PDK3: variants seen among roughly 807,000 people sequenced by gnomAD.
The protein encoded by PDK3 is pyruvate dehydrogenase kinase, isozyme 3.
A neutral mutation model predicts 32.0 loss-of-function variants in PDK3; 12 were observed. The observed-to-expected ratio is 0.37, with a 90% CI of 0.24 to 0.61. The LOEUF is 0.61. Among genes scored for constraint, PDK3 ranks in the 20% least tolerant of loss-of-function variants. PDK3 has a pLI of 0.65. For synonymous variants in PDK3, 122 were observed against 116.3 expected (o/e 1.05, Z -0.31); for missense variants, 188 against 316.9 (o/e 0.59, Z 3.09).
Position 24,505,067 on chromosome X carries a change from C to T in PDK3, c.506-142C>T, listed in dbSNP as rs147014603. On this transcript the variant is annotated intron_variant, in intron 4 of 10. Transcript: ENST00000379162. ...GTTCACCCATCAATTGTGTGTATTCCATTGCTCTAAGTTGCTGTGGATGCT... is the reference window on the plus strand; with the variant it reads ...GTTCACCCATCAATTGTGTGTATTCTATTGCTCTAAGTTGCTGTGGATGCT... 873 of 384,922 alleles carry T rather than the reference C, an allele frequency of 2.3e-3. 6 individuals carry two copies. Among genetic ancestry groups the T allele is most frequent in the African/African-American group, 0.02 (784 of 38,465 alleles). 31.7% of individuals were successfully genotyped at this position (384,922 alleles called of 1,213,427 possible).
chrX:24,468,965 C>T (rs766825904), intron 1 of PDK3, among the ~76,000 whole-genome samples: 10 of 111,865 alleles, frequency 8.9e-5, no homozygotes, highest in Admixed American at 2.8e-4. Flanking sequence ...CCTTTTTTCG[C>T]ATAAATGGCA....
intron 1 of PDK3, among the ~76,000 whole-genome samples, chrX:24,472,747 G>T (rs1430904410): frequency 1.0e-5 from 1 of 96,413 alleles, no homozygotes; most frequent in Non-Finnish European, 2.0e-5. Context: ...GAGTGCAATG[G>T]TGCGATCTGG....
chrX:24,500,920 C>T (rs915344208), intron 3 of PDK3, among the ~76,000 whole-genome samples: 5 of 111,598 alleles, frequency 4.5e-5, no homozygotes, highest in South Asian at 3.8e-4. Context: ...TATAATGAAT[C>T]GTTTCACTTT....
At chrX:24,542,916 G>A (rs1000259358) in exon 12 of PDK3, among the ~76,000 whole-genome samples, 1 of 111,957 alleles carries the variant, frequency 8.9e-6, no homozygotes, top group South Asian at 3.7e-4. Context: ...GCTGGCTATC[G>A]GATTCTTGGA....
intron 1 of PDK3, among the ~76,000 whole-genome samples, chrX:24,470,939 G>A (rs1487548552): frequency 9.1e-6 from 1 of 109,920 alleles, no homozygotes; most frequent in African/African-American, 3.3e-5. Context: ...CTGGTCTCAG[G>A]TTTATTTTGT....
At chrX:24,548,819 C>T (rs1303524390) in exon 12 of PDK3, 6 of 111,815 alleles carry the variant, frequency 5.4e-5, no homozygotes, top group Non-Finnish European at 1.1e-4. Context: ...AAGTGAAATC[C>T]GATTGGAAGT....
intron 2 of PDK3, among the ~76,000 whole-genome samples, chrX:24,495,355 CTT>C (rs1490658111): frequency 8.9e-6 from 1 of 112,457 alleles, no homozygotes; most frequent in Non-Finnish European, 1.9e-5. Flanking sequence ...ATAACATAAA[CTT>C]AAATCAGTTA....
chrX:24,479,656 G>A (rs776037175), intron 1 of PDK3, among the ~76,000 whole-genome samples: 11 of 110,585 alleles, frequency 9.9e-5, no homozygotes, highest in Admixed American at 1.9e-4. Context: ...GCGGTGGCAC[G>A]TGCCTGTAAT....
intron 1 of PDK3, among the ~76,000 whole-genome samples, chrX:24,490,414 A>G (rs190125861): frequency 2.2e-4 from 20 of 89,843 alleles, no homozygotes; most frequent in East Asian, 1.6e-3. Context: ...TGCTCTAGTC[A>G]AGATTCAAAC....
At position 24,465,296 on chromosome X, in the gene PDK3, A is replaced by AGCT. The variant is rs1249682130; in HGVS notation, c.-145_-143dup. 12 of 327,158 alleles carry AGCT rather than the reference A, an allele frequency of 3.7e-5. No homozygotes were observed. Among genetic ancestry groups the AGCT allele is most frequent in the Admixed American group, 2.6e-4 (4 of 15,176 alleles). The allele number at this position is 327,158 out of a possible 1,213,427, so 27.0% of individuals were successfully genotyped here. On this transcript the variant is annotated 5_prime_UTR_variant, in exon 1 of 11. Transcript: ENST00000379162. ...CGCGGGCGGCCCGCCGCTGTCCTGG[A>AGCT]GCTGCTGCTGCTGCTGCGGCGGCTG...
downstream of PDK3, among the ~76,000 whole-genome samples, chrX:24,535,458 T>C (rs1922749426): frequency 1.1e-5 from 1 of 93,749 alleles, no homozygotes; most frequent in Non-Finnish European, 2.0e-5. Flanking sequence ...TGAGCCAAGA[T>C]AGTACCACTG....
intron 5 of PDK3, among the ~76,000 whole-genome samples, 186 bp downstream of exon 5, chrX:24,505,484 C>A (rs746270979): frequency 1.8e-5 from 2 of 111,784 alleles, no homozygotes; most frequent in African/African-American, 6.5e-5. Context: ...TCTTTCTAGG[C>A]AGTTCAGCAT....
At chrX:24,485,872 A>G (rs1030658699) in intron 1 of PDK3, among the ~76,000 whole-genome samples, 1 of 111,634 alleles carries the variant, frequency 9.0e-6, no homozygotes, top group Non-Finnish European at 1.9e-5. Flanking sequence ...AGATCACCAC[A>G]CGTCTGAGGG....
intron 2 of PDK3, among the ~76,000 whole-genome samples, chrX:24,498,185 T>A (rs775346434): frequency 1.5e-4 from 17 of 112,279 alleles, no homozygotes; most frequent in African/African-American, 4.9e-4. Flanking sequence ...AGTACATTTT[T>A]GGTAATCAAA....
At chrX:24,487,126 A>T (rs1256219901) in intron 1 of PDK3, among the ~76,000 whole-genome samples, 1 of 112,927 alleles carries the variant, frequency 8.9e-6, no homozygotes, top group Non-Finnish European at 1.9e-5. Context: ...CTAAGTTTTT[A>T]AAAAAGTGAT....
intron 1 of PDK3, among the ~76,000 whole-genome samples, chrX:24,466,714 A>G (rs1209724813): frequency 9.0e-6 from 1 of 111,693 alleles, no homozygotes. Flanking sequence ...CCAATTTGCC[A>G]GAGAATGATG....
At chrX:24,509,999 A>G (rs1602117870) in intron 5 of PDK3, among the ~76,000 whole-genome samples, 1 of 112,403 alleles carries the variant, frequency 8.9e-6, no homozygotes, top group East Asian at 2.8e-4. Context: ...ACCAAGTTGA[A>G]TGCTTTGGAA....
chrX:24,502,014 G>A (rs1327815495), intron 3 of PDK3, among the ~76,000 whole-genome samples: 1 of 111,400 alleles, frequency 9.0e-6, no homozygotes. Context: ...TGGGGTGCTA[G>A]TTTTTTCCTT....
intron 3 of PDK3, among the ~76,000 whole-genome samples, chrX:24,502,580 C>A (rs1448584483): frequency 8.9e-6 from 1 of 111,998 alleles, no homozygotes; most frequent in African/African-American, 3.2e-5. Flanking sequence ...CCAAATTTTA[C>A]TCTTAAACTG....
Sources: allele counts gnomAD v4.1 joint callset (sites outside exome capture counted in the v4.1 genomes callset), GRCh38; gene constraint gnomAD v4.1.1; transcripts MANE v1.5; gene names NCBI Gene and HGNC (gene_info 2026-07-23, HGNC 2026-07-21).